Variants in PCSK6 observed in about 807,000 individuals in gnomAD.
PCSK6 encodes the protein proprotein convertase subtilisin/kexin type 6.
PCSK6 carries 85 observed loss-of-function variants against 123.3 expected under a neutral mutation model. That is an observed-to-expected ratio of 0.69 (90% CI 0.58 to 0.83). PCSK6 has a LOEUF of 0.83. Ranked by LOEUF, PCSK6 falls within the 40% of genes least tolerant of loss-of-function variation. The pLI is 0.00. For synonymous variants in PCSK6, 508 were observed against 516.0 expected (o/e 0.98, Z 0.21); for missense variants, 1,191 against 1,282.3 (o/e 0.93, Z 1.09).
chr15:101,385,232 G>T (rs2042025820), intron 9 of PCSK6, among the ~76,000 whole-genome samples: 2 of 152,164 alleles, frequency 1.3e-5, no homozygotes, highest in Admixed American at 1.3e-4. Flanking sequence ...TGCCCAGGCT[G>T]GTCTTGAATT....
chr15:101,369,577 T>C (rs2955965), intron 12 of PCSK6, among the ~76,000 whole-genome samples: 61,196 of 152,142 alleles, frequency 0.4, 13,829 homozygotes, highest in African/African-American at 0.6. Context: ...TCCATGAAAT[T>C]TCTTTACTCT....
intron 20 of PCSK6, 100 bp downstream of exon 20, chr15:101,313,276 G>A (rs1407800749): frequency 1.9e-6 from 3 of 1,593,906 alleles, no homozygotes; most frequent in Non-Finnish European, 2.6e-6. Flanking sequence ...GATGCAACAT[G>A]CCCTCCCCGG....
intron 13 of PCSK6, among the ~76,000 whole-genome samples, chr15:101,335,343 T>G (rs66491321): frequency 0.2 from 30,837 of 152,218 alleles, 3,957 homozygotes; most frequent in Non-Finnish European, 0.29. Context: ...ATGTTTAAAA[T>G]CTATGAATAA....
At chr15:101,312,984 G>A (rs1031424895) in intron 20 of PCSK6, 56 of 1,137,152 alleles carry the variant, frequency 4.9e-5, no homozygotes, top group Admixed American at 8.2e-5. Flanking sequence ...CAGCCTGGGC[G>A]ACAGAGTGAG....
chr15:101,364,494 G>A (rs2041331471), intron 13 of PCSK6, among the ~76,000 whole-genome samples: 1 of 152,098 alleles, frequency 6.6e-6, no homozygotes, highest in Non-Finnish European at 1.5e-5. Context: ...GATTAAAAAG[G>A]TACAAGAATT....
At chr15:101,396,273 A>C (rs2042409552) in intron 7 of PCSK6, among the ~76,000 whole-genome samples, 1 of 152,110 alleles carries the variant, frequency 6.6e-6, no homozygotes, top group African/African-American at 2.4e-5. Flanking sequence ...CACTGCTCAG[A>C]ATTCCGAATG....
intron 1 of PCSK6, among the ~76,000 whole-genome samples, chr15:101,473,970 T>C (rs1056693159): frequency 3.3e-5 from 5 of 152,238 alleles, no homozygotes; most frequent in Non-Finnish European, 7.3e-5. Flanking sequence ...TACATAAAGT[T>C]GTCTAAGCCT....
chr15:101,320,278 G>A (rs60060254), intron 18 of PCSK6, among the ~76,000 whole-genome samples: 13,891 of 152,070 alleles, frequency 0.091, 1,311 homozygotes, highest in African/African-American at 0.24. Flanking sequence ...TAGAGACAGG[G>A]TTTCGCCATG....
At chr15:101,457,480 GT>G (rs1256803582) in intron 1 of PCSK6, among the ~76,000 whole-genome samples, 1 of 152,230 alleles carries the variant, frequency 6.6e-6, no homozygotes, top group Non-Finnish European at 1.5e-5. Context: ...GGTCAGCTGG[GT>G]TTTTTCATAG....
In PCSK6 at chr15:101,370,244, A is replaced by G. The variant is rs1031663917; in HGVS notation, c.1721+91T>C. On this transcript the variant is annotated intron_variant, in intron 12 of 21. Transcript: ENST00000611716. The stretch of plus-strand genomic sequence containing the variant: ...TCCCCAACGCCAGAGGGCCTTGCAG[A>G]GACACTGTGGGCCCAAGACTGGACA... 1.3e-5 allele frequency: 15 copies of G among 1,122,380 alleles called. No individual in the cohort carries two copies. The African/African-American group carries it at 2.1e-4, about 16-fold the overall frequency. The allele number at this position is 1,122,380 out of a possible 1,614,324, so 69.5% of individuals were successfully genotyped here.
intron 6 of PCSK6, among the ~76,000 whole-genome samples, chr15:101,409,022 C>T (rs1262655873): frequency 3.3e-5 from 5 of 152,192 alleles, no homozygotes; most frequent in Admixed American, 6.5e-5. Context: ...CACCTATATC[C>T]GGGGGCCGGA....
At chr15:101,389,856 G>A (rs925149844) in intron 8 of PCSK6, among the ~76,000 whole-genome samples, 2 of 152,110 alleles carry the variant, frequency 1.3e-5, no homozygotes, top group Non-Finnish European at 2.9e-5. Context: ...CTGCAGAAGC[G>A]CATGTGGAAA....
intron 7 of PCSK6, among the ~76,000 whole-genome samples, chr15:101,395,395 C>T (rs2042379132): frequency 6.6e-6 from 1 of 152,180 alleles, no homozygotes; most frequent in African/African-American, 2.4e-5. Flanking sequence ...ACTTTGAATA[C>T]CAAGAGCCTG....
Position 101,305,320 on chromosome 15 carries a change from G to T in PCSK6, c.2848C>A (p.Arg950=). ...ATGAAGAGCTTCCGTTCGCACAGCC[G>T]GTTGGACTTCACCATCTCGCAGAAT... ...ETFCEMVKSN[R]LCERKLFIQF... is the part of the protein sequence containing the mutation. Residue 950 remains arginine (R), a synonymous_variant, in exon 22 of 22, where the codon CGG becomes AGG. Transcript: ENST00000611716. The surrounding 1 kb of genome is among the most constrained non-coding windows in gnomAD (Gnocchi z 4.8). 4 of 1,612,756 alleles carry T rather than the reference G, an allele frequency of 2.5e-6. No homozygotes were observed. The highest frequency in any genetic ancestry group is 3.4e-6 in the Non-Finnish European group (4 of 1,179,798).
chr15:101,477,947 A>C (rs2057773229), intron 1 of PCSK6, among the ~76,000 whole-genome samples: 1 of 152,184 alleles, frequency 6.6e-6, no homozygotes, highest in Admixed American at 6.5e-5. Flanking sequence ...AGCCCTGATA[A>C]GGAGGGGAGG....
rs57613156 is a variant in PCSK6, at chr15:101,316,910, G to GTTTTTTTTTTTTTT, written c.2569+1395_2569+1408dup. 5.8e-4 allele frequency among the ~76,000 whole-genome samples: 67 copies of GTTTTTTTTTTTTTT among 114,926 alleles called. 6 individuals are homozygous for GTTTTTTTTTTTTTT. The highest frequency in any genetic ancestry group is 5.3e-3 in the Middle Eastern group (1 of 190). The allele number at this position is 114,926 out of a possible 152,430, so 75.4% of individuals were successfully genotyped here. A position where few individuals can be genotyped will look rare whatever the true frequency, so the allele number is the denominator to read the frequency against. On this transcript the variant is annotated intron_variant, in intron 19 of 21. Transcript: ENST00000611716. ...ACTGGTTTAGCAGAGACTTAATTCTGTTTTTTTTTTTTTTTTTTTGACAGA... is the reference window on the plus strand; with the variant it reads ...ACTGGTTTAGCAGAGACTTAATTCTGTTTTTTTTTTTTTTTTTTTTTTTTTTTTTTTTTGACAGA...
At chr15:101,397,960 G>T (rs756597735) in intron 7 of PCSK6, among the ~76,000 whole-genome samples, 1 of 152,244 alleles carries the variant, frequency 6.6e-6, no homozygotes, top group Non-Finnish European at 1.5e-5. Flanking sequence ...TCCTGCTGCA[G>T]CGGGGCCTGG....
intron 18 of PCSK6, 32 bp downstream of exon 18, chr15:101,322,488 C>G (rs1217592821): frequency 2.0e-6 from 3 of 1,476,082 alleles, no homozygotes; most frequent in African/African-American, 2.8e-5. Flanking sequence ...CGCCACCGCC[C>G]TGACATTCCT....
At chr15:101,332,785 C>A (rs578190250) in intron 13 of PCSK6, among the ~76,000 whole-genome samples, 44 of 152,224 alleles carry the variant, frequency 2.9e-4, no homozygotes, top group Non-Finnish European at 5.3e-4. Context: ...GGGTCCCGCC[C>A]CACCGACAGC....
Sources: allele counts gnomAD v4.1 joint callset (sites outside exome capture counted in the v4.1 genomes callset), GRCh38; gene constraint gnomAD v4.1.1; non-coding constraint Gnocchi (gnomAD v3.1); transcripts MANE v1.5; gene names NCBI Gene and HGNC (gene_info 2026-07-23, HGNC 2026-07-21).